The following PDSS1 variants were observed in gnomAD, a reference collection of about 807,000 sequenced individuals.
PDSS1 encodes decaprenyl diphosphate synthase subunit 1.
Under a neutral mutation model 57.5 loss-of-function variants are expected in PDSS1, and 43 were observed. The ratio of observed to expected loss-of-function variants is 0.75; its 90% CI spans 0.59 to 0.96. The LOEUF (loss-of-function observed/expected upper bound fraction) is 0.96. Among genes scored for constraint, PDSS1 ranks in the 50% least tolerant of loss-of-function variants. PDSS1 has a pLI of 0.00. For synonymous variants in PDSS1, 175 were observed against 191.3 expected, an observed-to-expected ratio of 0.91 and a Z score of 0.70; for missense variants, 438 against 527.8, an observed-to-expected ratio of 0.83 and a Z score of 1.67.
At chr10:26,728,034 T>A (rs1397441668) in intron 8 of PDSS1, among the ~76,000 whole-genome samples, 1 of 152,180 alleles carries the variant, frequency 6.6e-6, no homozygotes, top group Non-Finnish European at 1.5e-5. Context: ...GTCCCATTAC[T>A]GGTGATGCAT....
chr10:26,730,996 C>T (rs906149701), intron 8 of PDSS1, among the ~76,000 whole-genome samples: 5 of 152,032 alleles, frequency 3.3e-5, no homozygotes, highest in East Asian at 1.9e-4. Context: ...ATCACGAGGT[C>T]AGGAGTTCGA....
At chr10:26,722,090 T>C (rs963700968) in intron 6 of PDSS1, among the ~76,000 whole-genome samples, 1 of 152,158 alleles carries the variant, frequency 6.6e-6, no homozygotes, top group African/African-American at 2.4e-5. Flanking sequence ...ATGCTGGACC[T>C]TTGGTCTCTA....
At chr10:26,701,836 C>T (rs1048730416) in intron 1 of PDSS1, 4 of 454,362 alleles carry the variant, frequency 8.8e-6, no homozygotes, top group African/African-American at 4.0e-5. Context: ...CAACAGCTTC[C>T]ACCGTGCACC....
rs578211896 is a variant in PDSS1, at chr10:26,699,675, G to A, written c.129+1835G>A. Among the ~76,000 whole-genome samples, 58 of 152,266 alleles carry A rather than the reference G, an allele frequency of 3.8e-4. 1 individual carries two copies. The South Asian group carries it at 0.011, about 30-fold the overall frequency. ...GCCTCCCAAAGTGCGGGGATTACAGGTGTGAGCCACCACGCCTGGCCTGAC... is the reference window on the plus strand; with the variant it reads ...GCCTCCCAAAGTGCGGGGATTACAGATGTGAGCCACCACGCCTGGCCTGAC... On this transcript the variant is annotated intron_variant, in intron 1 of 11. Coordinates refer to ENST00000376215, the MANE Select transcript of PDSS1 (RefSeq NM_014317.5).
intron 5 of PDSS1, among the ~76,000 whole-genome samples, chr10:26,719,543 G>A (rs766273050): frequency 2.2e-4 from 33 of 152,294 alleles, no homozygotes; most frequent in South Asian, 4.1e-4. Flanking sequence ...CAAGGCAGGC[G>A]GATCACTTGA....
chr10:26,735,331 T>C lies in PDSS1; in HGVS notation c.912+11T>C. The C allele has an allele frequency of 6.3e-7, 1 of 1,584,380 alleles. No homozygotes were observed. Among genetic ancestry groups the C allele is most frequent in the Non-Finnish European group, 8.7e-7 (1 of 1,152,806 alleles). ...GGAATAGCTTTTCAGGTTAGTATGC[T>C]TTTTATTTGTAAGAATGGTGGCGTA... On this transcript the variant is annotated intron_variant, in intron 9 of 11. Coordinates refer to ENST00000376215, the MANE Select transcript of PDSS1 (RefSeq NM_014317.5).
At chr10:26,716,613 A>G (rs556481090) in intron 5 of PDSS1, among the ~76,000 whole-genome samples, 2 of 152,206 alleles carry the variant, frequency 1.3e-5, no homozygotes, top group South Asian at 2.1e-4. Flanking sequence ...AATCACTAAA[A>G]CAAGGAGGCG....
chr10:26,735,498 T>C lies in PDSS1; in HGVS notation c.945T>C (p.Cys315=). 6.2e-7 allele frequency: 1 copy of C among 1,613,774 alleles called. No homozygotes were observed. The highest frequency in any genetic ancestry group is 8.5e-7 in the Non-Finnish European group (1 of 1,179,642). Residue 315 remains cysteine (C), a synonymous_variant, in exon 10 of 12, where the codon TGT becomes TGC. Coordinates refer to ENST00000376215, the MANE Select transcript of PDSS1 (RefSeq NM_014317.5). ...LIDDVLDFTS[C]SDQMGKPTSA... ...ATGATGTATTGGACTTCACCTCGTGTTCTGACCAGATGGGCAAACCAACAT... is the reference window on the plus strand; with the variant it reads ...ATGATGTATTGGACTTCACCTCGTGCTCTGACCAGATGGGCAAACCAACAT...
In PDSS1 at chr10:26,746,476, A is replaced by C. The variant is rs115180525; in HGVS notation, c.*3A>C. 4 of 1,613,832 alleles carry C rather than the reference A, an allele frequency of 2.5e-6. No individual in the cohort carries two copies. The highest frequency in any genetic ancestry group is 3.4e-6 in the Non-Finnish European group (4 of 1,179,824). On this transcript the variant is annotated 3_prime_UTR_variant, in exon 12 of 12. Transcript: ENST00000376215. ...TTGTACTCACAAGAGATAAATGACA[A>C]CTCTTTCTGTTCTTTCTGGCAGCTA...
chr10:26,707,287 C>G (rs563610581), intron 4 of PDSS1, among the ~76,000 whole-genome samples: 1 of 152,184 alleles, frequency 6.6e-6, no homozygotes, highest in African/African-American at 2.4e-5. Flanking sequence ...CCGACTCACC[C>G]AACTCCCGAG....
chr10:26,709,894 T>A, intron 5 of PDSS1, 126 bp downstream of exon 5: 1 of 1,010,488 alleles, frequency 9.9e-7, no homozygotes, highest in Non-Finnish European at 1.5e-6. Flanking sequence ...GGCTCATGCC[T>A]ATAATCCCAG....
intron 8 of PDSS1, among the ~76,000 whole-genome samples, chr10:26,733,326 G>T (rs540216927): frequency 1.3e-5 from 2 of 152,120 alleles, no homozygotes; most frequent in South Asian, 4.2e-4. Context: ...AGCTTCTCTC[G>T]AAAGTTTCTG....
At chr10:26,732,266 A>T (rs1304991984) in intron 8 of PDSS1, among the ~76,000 whole-genome samples, 1 of 152,128 alleles carries the variant, frequency 6.6e-6, no homozygotes, top group African/African-American at 2.4e-5. Flanking sequence ...GGCAGTACTG[A>T]CCTGGGATGG....
chr10:26,716,107 T>C (rs2132248196), intron 5 of PDSS1, among the ~76,000 whole-genome samples: 2 of 152,306 alleles, frequency 1.3e-5, no homozygotes, highest in Middle Eastern at 3.4e-3. Flanking sequence ...GCCTTACGTG[T>C]TTCTTTAGGT....
At chr10:26,733,880 G>C (rs1054783643) in intron 8 of PDSS1, among the ~76,000 whole-genome samples, 4 of 152,060 alleles carry the variant, frequency 2.6e-5, no homozygotes, top group African/African-American at 9.7e-5. Flanking sequence ...AGACTGAGGC[G>C]GAAGGAACCC....
chr10:26,706,052 C>G (rs2489581), intron 4 of PDSS1, among the ~76,000 whole-genome samples: 79,451 of 152,026 alleles, frequency 0.52, 21,821 homozygotes, highest in Middle Eastern at 0.64. Context: ...CATTGCCAGT[C>G]TGCCCCAAAT....
intron 10 of PDSS1, among the ~76,000 whole-genome samples, chr10:26,737,848 G>A (rs912949955): frequency 1.3e-5 from 2 of 152,040 alleles, no homozygotes. Flanking sequence ...CAGTCATGAG[G>A]CACCTACTCA....
intron 6 of PDSS1, among the ~76,000 whole-genome samples, chr10:26,722,979 TTTAA>T (rs1473286285): frequency 1.3e-5 from 2 of 151,654 alleles, no homozygotes; most frequent in Non-Finnish European, 2.9e-5. Context: ...AATTCTTTGG[TTTAA>T]TTTTTATTGA....
At chr10:26,741,626 A>G (rs1836612532) in intron 10 of PDSS1, among the ~76,000 whole-genome samples, 1 of 152,312 alleles carries the variant, frequency 6.6e-6, no homozygotes, top group African/African-American at 2.4e-5. Flanking sequence ...CTCTGCTCAG[A>G]AACCTCAGTA....
Sources: allele counts gnomAD v4.1 joint callset (sites outside exome capture counted in the v4.1 genomes callset), GRCh38; gene constraint gnomAD v4.1.1; transcripts MANE v1.5; gene names NCBI Gene and HGNC (gene_info 2026-07-23, HGNC 2026-07-21).